PYY: variants seen among roughly 807,000 people sequenced by gnomAD.
PYY encodes peptide tyrosine tyrosine.
Under a neutral mutation model 10.3 loss-of-function variants are expected in PYY, and 12 were observed. The observed-to-expected ratio is 1.17, with a 90% CI of 0.75 to 1.89. PYY has a LOEUF of 1.89. Among genes scored for constraint, PYY ranks in the 40% most tolerant of loss-of-function variants. The pLI is 0.00. For missense variants in PYY, 141 were observed against 134.0 expected (o/e 1.05, Z -0.26); for synonymous variants, 66 against 62.0 (o/e 1.06, Z -0.30).
intron 1 of PYY, among the ~76,000 whole-genome samples, chr17:43,981,024 T>C (rs1301066911): frequency 1.3e-5 from 2 of 151,984 alleles, no homozygotes; most frequent in African/African-American, 4.8e-5. Flanking sequence ...AGCAGAACTT[T>C]TTTTTTTCTT....
intron 2 of PYY, among the ~76,000 whole-genome samples, chr17:43,965,842 T>C (rs1250484095): frequency 6.8e-6 from 1 of 148,010 alleles, no homozygotes; most frequent in Non-Finnish European, 1.5e-5. Flanking sequence ...TAAAATTATA[T>C]TTTTTTCTAG....
rs1035792707 is a variant in PYY, at chr17:43,976,417, A to G, written c.-462-9885T>C. Among the ~76,000 whole-genome samples, 5 of 59,028 alleles carry G rather than the reference A, an allele frequency of 8.5e-5. 1 individual carries two copies. The highest frequency in any genetic ancestry group is 3.2e-3 in the South Asian group (2 of 630). The allele number at this position is 59,028 out of a possible 152,430, so 38.7% of individuals were successfully genotyped here. Reference sequence around the variant, plus strand: ...TATACGTATATACATATTCATGTATACATATACATATATACACATATACAT... The same window carrying G: ...TATACGTATATACATATTCATGTATGCATATACATATATACACATATACAT... On this transcript the variant is annotated intron_variant, in intron 1 of 6. Coordinates refer to the PYY transcript ENST00000360085.
chr17:43,966,182 A>G (rs2048754911), intron 2 of PYY: 1 of 152,774 alleles, frequency 6.5e-6, no homozygotes, highest in African/African-American at 2.4e-5. Context: ...TATGCCAGGT[A>G]CGTCTCACAT....
chr17:43,985,011 A>C (rs2048907169), intron 1 of PYY, among the ~76,000 whole-genome samples: 1 of 152,176 alleles, frequency 6.6e-6, no homozygotes, highest in African/African-American at 2.4e-5. Context: ...ATATAAAGGA[A>C]AGGTTTATAA....
At chr17:43,989,375 A>AAAAC (rs1218027538) in intron 1 of PYY, among the ~76,000 whole-genome samples, 1 of 151,582 alleles carries the variant, frequency 6.6e-6, no homozygotes, top group Non-Finnish European at 1.5e-5. Flanking sequence ...CTCCGTCTCA[A>AAAAC]AAACAAACAA....
chr17:43,956,128 A>G (rs184914286), upstream of PYY, among the ~76,000 whole-genome samples: 2 of 152,230 alleles, frequency 1.3e-5, no homozygotes, highest in East Asian at 3.9e-4. Context: ...GAGACACTGT[A>G]GAAGCTAGAG....
At chr17:43,984,415 A>G (rs540776599) in intron 1 of PYY, among the ~76,000 whole-genome samples, 38 of 152,202 alleles carry the variant, frequency 2.5e-4, no homozygotes, top group Non-Finnish European at 4.7e-4. Flanking sequence ...AATAACCAAT[A>G]ATTATAATAA....
intron 2 of PYY, among the ~76,000 whole-genome samples, chr17:43,962,773 G>A (rs922530846): frequency 2.0e-5 from 3 of 152,114 alleles, no homozygotes; most frequent in Non-Finnish European, 4.4e-5. Flanking sequence ...GGCATTTTTT[G>A]GGGGGCGGCA....
intron 1 of PYY, among the ~76,000 whole-genome samples, chr17:43,984,157 G>T (rs535546606): frequency 2.2e-5 from 3 of 135,066 alleles, no homozygotes; most frequent in African/African-American, 5.6e-5. Flanking sequence ...GTCGCTGTTA[G>T]GGGGGGCGCC....
chr17:43,979,377 C>A (rs10853114), intron 1 of PYY, among the ~76,000 whole-genome samples: 12,531 of 152,242 alleles, frequency 0.082, 1,725 homozygotes, highest in East Asian at 0.61. Context: ...TCACTCACAG[C>A]TGAGCCTAAT....
intron 1 of PYY, among the ~76,000 whole-genome samples, chr17:43,991,318 C>A (rs1411222729): frequency 6.6e-6 from 1 of 152,022 alleles, no homozygotes; most frequent in African/African-American, 2.4e-5. Context: ...GTAATCCCAC[C>A]TATTTGGGAA....
chr17:43,991,699 C>T (rs2048957812), intron 1 of PYY, among the ~76,000 whole-genome samples: 1 of 152,034 alleles, frequency 6.6e-6, no homozygotes, highest in Non-Finnish European at 1.5e-5. Flanking sequence ...TGGCCCATGC[C>T]CATAGTCCCA....
At chr17:43,986,424 C>T (rs396120) in intron 1 of PYY, among the ~76,000 whole-genome samples, 1 of 151,662 alleles carries the variant, frequency 6.6e-6, no homozygotes, top group Admixed American at 6.6e-5. Context: ...GGTCATGTGG[C>T]TTCCTGTGCA....
chr17:43,980,624 C>T (rs1168769950), intron 1 of PYY, among the ~76,000 whole-genome samples: 3 of 151,828 alleles, frequency 2.0e-5, no homozygotes, highest in African/African-American at 4.8e-5. Flanking sequence ...CAGGTGCCCA[C>T]CACCACACTC....
At chr17:43,977,037 C>T (rs561980530) in intron 1 of PYY, among the ~76,000 whole-genome samples, 5 of 152,278 alleles carry the variant, frequency 3.3e-5, no homozygotes, top group Non-Finnish European at 2.9e-5. Flanking sequence ...ATATATGCTT[C>T]TCCCCAGTGT....
intron 1 of PYY, among the ~76,000 whole-genome samples, chr17:43,967,600 C>T (rs1209737229): frequency 6.6e-6 from 1 of 152,146 alleles, no homozygotes; most frequent in Non-Finnish European, 1.5e-5. Flanking sequence ...ATAACAATAG[C>T]ATCTACTTCA....
chr17:43,965,840 T>C (rs1378269759), intron 2 of PYY, among the ~76,000 whole-genome samples: 6 of 134,374 alleles, frequency 4.5e-5, no homozygotes, highest in Admixed American at 3.7e-4. Context: ...AGTAAAATTA[T>C]ATTTTTTTCT....
chr17:43,982,261 G>T (rs2048888391), intron 1 of PYY, among the ~76,000 whole-genome samples: 1 of 152,258 alleles, frequency 6.6e-6, no homozygotes, highest in Admixed American at 6.5e-5. Context: ...CTCTGAGAGT[G>T]TCAGGCCGGC....
chr17:43,993,408 G>A lies in PYY; in HGVS notation c.-463+10983C>T, dbSNP rs184077733. 1.9e-4 allele frequency among the ~76,000 whole-genome samples: 28 copies of A among 150,588 alleles called. No homozygotes were observed. The East Asian group carries it at 3.1e-3, about 17-fold the overall frequency. On this transcript the variant is annotated intron_variant, in intron 1 of 6. Transcript: ENST00000360085. Reference sequence around the variant, plus strand: ...CGCGAGGCAGAGCCTGCAGTGAGCCGAGATTGCACCACTGCACTCCAGCTT... The same window carrying A: ...CGCGAGGCAGAGCCTGCAGTGAGCCAAGATTGCACCACTGCACTCCAGCTT...
Sources: gnomAD v4.1 joint callset for allele counts (sites outside exome capture counted in the v4.1 genomes callset) on GRCh38, gnomAD v4.1.1 for gene constraint, MANE v1.5 for transcripts, NCBI Gene and HGNC (gene_info 2026-07-23, HGNC 2026-07-21) for gene names.